The following PDP1 variants were observed in gnomAD, a reference collection of about 807,000 sequenced individuals.
The protein encoded by PDP1 is pyruvate dehyrogenase phosphatase catalytic subunit 1.
A neutral mutation model predicts 37.1 loss-of-function variants in PDP1; 14 were observed. The observed-to-expected ratio is 0.38, with a 90% CI of 0.25 to 0.59. The LOEUF (loss-of-function observed/expected upper bound fraction) is 0.59, where lower values mean the gene tolerates loss of function less well. PDP1 is among the 20% of genes least tolerant of loss of function. The pLI is 0.67. For synonymous variants in PDP1, 251 were observed against 243.3 expected (o/e 1.03, Z -0.29); for missense variants, 544 against 655.3 (o/e 0.83, Z 1.85).
chr8:93,919,485 G>A (rs1261894843), intron 1 of PDP1, among the ~76,000 whole-genome samples: 4 of 77,894 alleles, frequency 5.1e-5, no homozygotes, highest in African/African-American at 2.1e-4. Flanking sequence ...TCCTCCCCCC[G>A]CTGCCCTCCC....
At chr8:93,919,045 AAGAT>A (rs1283397577) in intron 1 of PDP1, 8 of 414,158 alleles carry the variant, frequency 1.9e-5, no homozygotes, top group Admixed American at 6.4e-5. Context: ...GCATAACTGA[AAGAT>A]AGAGTCAATA....
intron 1 of PDP1, 23 bp downstream of exon 1, chr8:93,917,102 C>T (rs956962078): frequency 2.2e-5 from 10 of 464,122 alleles, no homozygotes; most frequent in Non-Finnish European, 3.8e-5. Flanking sequence ...TACTCCCTGC[C>T]ACGAGCCGCC....
At position 93,922,452 on chromosome 8, in the gene PDP1, C is replaced by T; in HGVS notation, c.393C>T (p.Thr131=). The change falls in exon 2 of 2, where the codon ACC becomes ACT. Residue 131 remains threonine, a synonymous_variant. Transcript: ENST00000297598. This position sits in a 1 kb window ranked among gnomAD's most constrained non-coding sequence, Gnocchi z 4.0. ...APIEDRRSAA[T]CLQTRGMLLG... is the part of the protein sequence containing the mutation. ...TTGAGGACCGGAGAAGTGCAGCAAC[C>T]TGCTTGCAGACCAGAGGGATGCTTT... The T allele has an allele frequency of 6.2e-7, 1 of 1,614,184 alleles. No individual in the cohort carries two copies. Among genetic ancestry groups the T allele is most frequent in the Non-Finnish European group, 8.5e-7 (1 of 1,180,000 alleles).
rs756461276 is a variant in PDP1, at chr8:93,917,073, G to A, written c.-51G>A. ...GGGAAGAATCGTTTGGTCTCCTGCCGTGCCCGGTTCGTATTCCCTACTCCC... is the reference window on the plus strand; with the variant it reads ...GGGAAGAATCGTTTGGTCTCCTGCCATGCCCGGTTCGTATTCCCTACTCCC... On this transcript the variant is annotated 5_prime_UTR_variant, in exon 1 of 2. In the 5' UTR this introduces an upstream ATG that the reference lacks. Transcript: ENST00000297598. 4.2e-6 allele frequency: 2 copies of A among 479,414 alleles called. No individual in the cohort carries two copies. The highest frequency in any genetic ancestry group is 3.3e-4 in the Middle Eastern group (1 of 3,064). 29.7% of individuals were successfully genotyped at this position (479,414 alleles called of 1,614,324 possible).
intron 1 of PDP1, chr8:93,919,808 T>C (rs543126147): frequency 5.9e-5 from 9 of 152,228 alleles, no homozygotes; most frequent in African/African-American, 9.6e-5. Flanking sequence ...ACAAAATGAG[T>C]TGATATGCTT....
Position 93,923,940 on chromosome 8 carries a change from T to A in PDP1, c.*267T>A, listed in dbSNP as rs1810366730. On this transcript the variant is annotated 3_prime_UTR_variant, in exon 2 of 2. Coordinates refer to ENST00000297598, the MANE Select transcript of PDP1 (RefSeq NM_018444.4). The surrounding 1 kb of genome is among the most constrained non-coding windows in gnomAD (Gnocchi z 4.3). Reference sequence around the variant, plus strand: ...AGGTGTCTTGAAACATTAGCTTCTTTTACCAACCTGAGAAAATTAGGATGA... The same window carrying A: ...AGGTGTCTTGAAACATTAGCTTCTTATACCAACCTGAGAAAATTAGGATGA... 4 of 430,510 alleles carry A rather than the reference T, an allele frequency of 9.3e-6. No homozygotes were observed. In the East Asian group the frequency reaches 2.0e-4, roughly 22 times the overall value. The allele number at this position is 430,510 out of a possible 1,614,324, so 26.7% of individuals were successfully genotyped here. A position where few individuals can be genotyped will look rare whatever the true frequency, so the allele number is the denominator to read the frequency against.
chr8:93,922,909 C>T lies in PDP1; in HGVS notation c.850C>T (p.Leu284Phe), dbSNP rs1468256144. 1 of 1,614,158 alleles carries T rather than the reference C, an allele frequency of 6.2e-7. No individual in the cohort carries two copies. The highest frequency in any genetic ancestry group is 8.5e-7 in the Non-Finnish European group (1 of 1,180,030). Residue 284 changes from leucine to phenylalanine, a missense_variant, in exon 2 of 2, where the codon CTT becomes TTT. This residue lies in a region of PDP1 where 342 missense variants were observed against 414.0 expected (regional missense o/e 0.83). Coordinates refer to ENST00000297598, the MANE Select transcript of PDP1 (RefSeq NM_018444.4). This position sits in a 1 kb window ranked among gnomAD's most constrained non-coding sequence, Gnocchi z 4.0. ...TGTGGCCCATGTGGATGGTGTTGAC[C>T]TTCATGTGGCCAATACTGGCGATAG... The part of the protein sequence containing the change: ...ACVAHVDGVD[L>F]HVANTGDSRA...
Position 93,924,716 on chromosome 8 carries a change from A to G in PDP1, c.*1043A>G, listed in dbSNP as rs1810387269. 1 of 167,120 alleles carries G rather than the reference A, an allele frequency of 6.0e-6. No individual in the cohort carries two copies. Among genetic ancestry groups the G allele is most frequent in the Non-Finnish European group, 1.5e-5 (1 of 68,128 alleles). 10.4% of individuals were successfully genotyped at this position (167,120 alleles called of 1,614,324 possible). ...AGGAAGTTTCTGTTTTTCTCCATTT[A>G]GACATAGGTCAATTAAAATATTTGG... On this transcript the variant is annotated 3_prime_UTR_variant, in exon 2 of 2. Transcript: ENST00000297598.
chr8:93,920,241 G>GT (rs1253290728), intron 1 of PDP1, among the ~76,000 whole-genome samples: 1 of 152,108 alleles, frequency 6.6e-6, no homozygotes, highest in African/African-American at 2.4e-5. Flanking sequence ...TCAGTGTTTA[G>GT]TTTTCTTTGC....
chr8:93,916,965 G>A lies in PDP1; in HGVS notation c.-159G>A, dbSNP rs771703282. 18 of 459,346 alleles carry A rather than the reference G, an allele frequency of 3.9e-5. No individual in the cohort carries two copies. The highest frequency in any genetic ancestry group is 2.8e-4 in the South Asian group (18 of 63,868). The allele number at this position is 459,346 out of a possible 1,614,324, so 28.5% of individuals were successfully genotyped here. A position where few individuals can be genotyped will look rare whatever the true frequency, so the allele number is the denominator to read the frequency against. On this transcript the variant is annotated 5_prime_UTR_variant, in exon 1 of 2. It adds an upstream start codon to the 5' untranslated region. Coordinates refer to ENST00000297598, the MANE Select transcript of PDP1 (RefSeq NM_018444.4). ...GGGGAGCAGAGTGGGCAGGCCGGGG[G>A]TGAGGGCTCGCGCTCCGGGAGCTGC...
chr8:93,923,651 G>T lies in PDP1; in HGVS notation c.1592G>T (p.Gly531Val). The change falls in exon 2 of 2, where the codon GGG becomes GTG. Residue 531 changes from glycine to valine, a missense_variant. Physicochemically the swap from Gly to Val is moderately radical, Grantham distance 109. Around this residue, in one of 5 missense-constraint regions of PDP1, gnomAD observed 159 missense variants for 165.5 expected, o/e 0.96. Coordinates refer to ENST00000297598, the MANE Select transcript of PDP1 (RefSeq NM_018444.4). This position sits in a 1 kb window ranked among gnomAD's most constrained non-coding sequence, Gnocchi z 4.3. ...IVVQFNSHVV[G>V]AYQNQE ...GTTCAGTTCAATTCTCATGTTGTAG[G>T]GGCGTATCAAAACCAAGAATAGTGA... 2 of 1,613,812 alleles carry T rather than the reference G, an allele frequency of 1.2e-6. No individual in the cohort carries two copies. Among genetic ancestry groups the T allele is most frequent in the South Asian group, 1.1e-5 (1 of 91,032 alleles).
chr8:93,917,717 T>G, intron 1 of PDP1: 1 of 1,165,836 alleles, frequency 8.6e-7, no homozygotes, highest in Non-Finnish European at 1.2e-6. Context: ...TTATCCCTCC[T>G]CCATCCTCTT....
At chr8:93,917,491 C>T (rs1355974456) in intron 1 of PDP1, among the ~76,000 whole-genome samples, 1 of 151,788 alleles carries the variant, frequency 6.6e-6, no homozygotes, top group Non-Finnish European at 1.5e-5. Context: ...TTCGTCTGGA[C>T]TGAAACGGGC....
intron 1 of PDP1, chr8:93,920,990 A>G: frequency 2.0e-6 from 2 of 984,266 alleles, no homozygotes; most frequent in East Asian, 1.1e-4. Context: ...AGCAGGGAAC[A>G]TTGTTAGTAG....
At chr8:93,917,752 C>T (rs1810123287) in intron 1 of PDP1, 1 of 1,496,558 alleles carries the variant, frequency 6.7e-7, no homozygotes, top group Admixed American at 2.0e-5. Flanking sequence ...AGCCCATTCA[C>T]CGGGCTGGAG....
At chr8:93,919,394 A>G (rs917219508) in intron 1 of PDP1, among the ~76,000 whole-genome samples, 3 of 152,106 alleles carry the variant, frequency 2.0e-5, no homozygotes, top group African/African-American at 7.2e-5. Context: ...GGGCAGGAGA[A>G]TCGCTTGAAC....
chr8:93,921,169 A>G, intron 1 of PDP1: 2 of 984,414 alleles, frequency 2.0e-6, no homozygotes, highest in Non-Finnish European at 2.4e-6. Context: ...ATAAGCATAA[A>G]GGCATGAATC....
chr8:93,917,881 G>A, intron 1 of PDP1: 1 of 1,613,988 alleles, frequency 6.2e-7, no homozygotes, highest in African/African-American at 1.3e-5. Context: ...GCGGGTTGTG[G>A]ATGTTGTCGG....
rs1391438201 is a variant in PDP1 at position 93,922,181 on chromosome 8, A to G, written c.122A>G (p.Gln41Arg). Residue 41 changes from glutamine to arginine, a missense_variant, in exon 2 of 2, where the codon CAG (glutamine) becomes CGG (arginine). Gln to Arg is a conservative substitution (Grantham distance 43). Coordinates refer to ENST00000297598, the MANE Select transcript of PDP1 (RefSeq NM_018444.4). This position sits in a 1 kb window ranked among gnomAD's most constrained non-coding sequence, Gnocchi z 4.0. ...HLCCSSSYIP[Q>R]SRLRYTPHPA... ...TGTTGTTCCTCATCGTACATTCCTCAGAGTCGACTGAGATACACACCTCAT... is the reference window on the plus strand; with the variant it reads ...TGTTGTTCCTCATCGTACATTCCTCGGAGTCGACTGAGATACACACCTCAT... The G allele has an allele frequency of 6.2e-7, 1 of 1,614,194 alleles. No individual in the cohort carries two copies. The highest frequency in any genetic ancestry group is 1.7e-5 in the Admixed American group (1 of 60,022).
Sources: allele counts gnomAD v4.1 joint callset (sites outside exome capture counted in the v4.1 genomes callset), GRCh38; gene constraint gnomAD v4.1.1; regional missense constraint gnomAD v4.1.1; non-coding constraint Gnocchi (gnomAD v3.1); transcripts MANE v1.5; gene names NCBI Gene and HGNC (gene_info 2026-07-23, HGNC 2026-07-21).